CRMP1: variants seen among roughly 807,000 people sequenced by gnomAD.
CRMP1 encodes dihydropyrimidinase-related protein 1.
CRMP1 carries 19 observed loss-of-function variants against 68.3 expected under a neutral mutation model. The observed-to-expected ratio is 0.28, with a 90% CI of 0.19 to 0.41. CRMP1 has a LOEUF of 0.41. Among genes scored for constraint, CRMP1 ranks in the 10% least tolerant of loss-of-function variants. The pLI is 1.00. For missense variants in CRMP1, 791 were observed against 967.4 expected (o/e 0.82, Z 2.42); for synonymous variants, 439 against 399.6 (o/e 1.10, Z -1.18).
At chr4:5,875,430 AT>A (rs1245804623) in intron 1 of CRMP1, among the ~76,000 whole-genome samples, 1 of 151,024 alleles carries the variant, frequency 6.6e-6, no homozygotes, top group Admixed American at 6.6e-5. Flanking sequence ...ATGGGATGCT[AT>A]TCTTATCCAA....
chr4:5,836,133 G>A (rs775010187), intron 10 of CRMP1, 48 bp from the exon 11 acceptor site: 61 of 1,386,164 alleles, frequency 4.4e-5, no homozygotes, highest in Non-Finnish European at 5.2e-5. Context: ...AATGGGGCCA[G>A]GAGGAGGGGC....
rs1181562672 is a variant in CRMP1 at position 5,872,516 on chromosome 4, G to A, written c.382-5760C>T. Among the ~76,000 whole-genome samples, 13 of 152,034 alleles carry A rather than the reference G, an allele frequency of 8.6e-5. No homozygotes were observed. Among genetic ancestry groups the A allele is most frequent in the African/African-American group, 2.7e-4 (11 of 41,398 alleles). ...AGCCTGGCCAACATGGTGAAACCCCGTCTCTACTAAAAATGCAAAAATTAG... is the reference window on the plus strand; with the variant it reads ...AGCCTGGCCAACATGGTGAAACCCCATCTCTACTAAAAATGCAAAAATTAG... On this transcript the variant is annotated intron_variant, in intron 1 of 13. Transcript: ENST00000324989. The surrounding 1 kb of genome is among the most constrained non-coding windows in gnomAD (Gnocchi z 4.6).
intron 12 of CRMP1, among the ~76,000 whole-genome samples, chr4:5,827,642 A>C (rs1490361607): frequency 6.6e-6 from 1 of 151,904 alleles, no homozygotes; most frequent in African/African-American, 2.4e-5. Context: ...ACTCCAACAC[A>C]CGCACACACA....
In CRMP1 at chr4:5,823,087, G is replaced by A. The variant is rs1250523597; in HGVS notation, c.1970-1236C>T. 2.6e-5 allele frequency among the ~76,000 whole-genome samples: 4 copies of A among 152,156 alleles called. No individual in the cohort carries two copies. The East Asian group carries it at 7.7e-4, about 29-fold the overall frequency. On this transcript the variant is annotated intron_variant, in intron 13 of 13. Transcript: ENST00000324989. ...CACTGGCCCCAGGTAGTTGTCACCT[G>A]CAACAGGAAGGAGACTCAAGTTTCA... is the stretch of plus-strand genomic sequence containing the variant.
chr4:5,878,804 T>A (rs1389091081), intron 1 of CRMP1, among the ~76,000 whole-genome samples: 1 of 141,022 alleles, frequency 7.1e-6, no homozygotes, highest in Admixed American at 6.9e-5. Context: ...CAGTGCCTTA[T>A]TTTTTTTTTT....
chr4:5,887,223 G>A (rs1046341124), intron 1 of CRMP1, among the ~76,000 whole-genome samples: 1 of 152,216 alleles, frequency 6.6e-6, no homozygotes, highest in East Asian at 1.9e-4. Context: ...CAATACCTCC[G>A]CCTACCTAAG....
In CRMP1 at chr4:5,858,987, A is replaced by T. The variant is rs1713345909; in HGVS notation, c.655+2039T>A. ...ACTCATCCTTCAGATCCCTGTACGA[A>T]TGTCACTTCTTCAGAGAACACTTCC... On this transcript the variant is annotated intron_variant, in intron 3 of 13. Transcript: ENST00000324989. This position sits in a 1 kb window ranked among gnomAD's most constrained non-coding sequence, Gnocchi z 5.5. Among the ~76,000 whole-genome samples the T allele has an allele frequency of 6.6e-6, 1 of 152,124 alleles. No homozygotes were observed. The highest frequency in any genetic ancestry group is 2.1e-4 in the South Asian group (1 of 4,822).
At position 5,888,714 on chromosome 4, in the gene CRMP1, G is replaced by C; in HGVS notation, c.381+3875C>G. ...CCTGGCCTCGCTCTCGCGATCCAGA[G>C]AGTATGGTTTTCAGGGCTCCTTTAA... On this transcript the variant is annotated intron_variant, in intron 1 of 13. Transcript: ENST00000324989. The surrounding 1 kb of genome is among the most constrained non-coding windows in gnomAD (Gnocchi z 6.4). 1 of 791,302 alleles carries C rather than the reference G, an allele frequency of 1.3e-6. No individual in the cohort carries two copies. Among genetic ancestry groups the C allele is most frequent in the Non-Finnish European group, 1.5e-6 (1 of 653,496 alleles). The allele number at this position is 791,302 out of a possible 1,614,324, so 49.0% of individuals were successfully genotyped here. A position where few individuals can be genotyped will look rare whatever the true frequency, so the allele number is the denominator to read the frequency against.
Position 5,870,947 on chromosome 4 carries a change from C to T in CRMP1, c.382-4191G>A, listed in dbSNP as rs116596271. On this transcript the variant is annotated intron_variant, in intron 1 of 13. Transcript: ENST00000324989. This position sits in a 1 kb window ranked among gnomAD's most constrained non-coding sequence, Gnocchi z 6.0. ...CATGGCTTCCGGAACACGGCCGCCC[C>T]GCAGGCACCCGTCTGTCTTGTCACT... Among the ~76,000 whole-genome samples, 315 of 152,294 alleles carry T rather than the reference C, an allele frequency of 2.1e-3. 1 individual carries two copies. The highest frequency in any genetic ancestry group is 7.0e-3 in the African/African-American group (293 of 41,572).
chr4:5,864,452 A>T (rs28729383), intron 2 of CRMP1, among the ~76,000 whole-genome samples: 21,503 of 152,174 alleles, frequency 0.14, 2,061 homozygotes, highest in African/African-American at 0.27. Context: ...CTTCCTGACC[A>T]TTCGGGATCC....
At chr4:5,839,735 T>A (rs1190163989) in intron 8 of CRMP1, 57 bp from the exon 9 acceptor site, 1 of 1,527,644 alleles carries the variant, frequency 6.5e-7, no homozygotes, top group Admixed American at 2.0e-5. Context: ...GAGGCAGATG[T>A]CAAAGGCACA....
Position 5,842,459 on chromosome 4 carries a change from AAG to A in CRMP1, c.1032+632_1032+633del, listed in dbSNP as rs1711820425. 6.6e-6 allele frequency among the ~76,000 whole-genome samples: 1 copy of A among 151,394 alleles called. No individual in the cohort carries two copies. Among genetic ancestry groups the A allele is most frequent in the Non-Finnish European group, 1.5e-5 (1 of 67,866 alleles). On this transcript the variant is annotated intron_variant, in intron 7 of 13. Transcript: ENST00000324989. The surrounding 1 kb of genome is among the most constrained non-coding windows in gnomAD (Gnocchi z 4.5). ...AAAAAAAAAAAAAAGAAAAGAAAGA[AAG>A]AAAGTAAAAAGAAGGTGTCCTCAAC...
intron 2 of CRMP1, among the ~76,000 whole-genome samples, chr4:5,862,166 C>A (rs978189247): frequency 8.5e-5 from 13 of 152,190 alleles, no homozygotes; most frequent in South Asian, 6.2e-4. Context: ...GAAAATGTTA[C>A]CACACATGTC....
chr4:5,889,750 C>G lies in CRMP1; in HGVS notation c.381+2839G>C, dbSNP rs1329108915. On this transcript the variant is annotated intron_variant, in intron 1 of 13. Coordinates refer to ENST00000324989, the MANE Select transcript of CRMP1 (RefSeq NM_001014809.3). This position sits in a 1 kb window ranked among gnomAD's most constrained non-coding sequence, Gnocchi z 4.5. ...CGAGGGTGGCCTAGGCTTGGTACAG[C>G]TCCCCCAGCACTGTGGTTGGGGGCT... The G allele has an allele frequency of 6.5e-7, 1 of 1,535,080 alleles. No homozygotes were observed. Among genetic ancestry groups the G allele is most frequent in the Non-Finnish European group, 8.7e-7 (1 of 1,146,216 alleles).
chr4:5,844,113 CT>C (rs1418545042), intron 6 of CRMP1, among the ~76,000 whole-genome samples: 1 of 152,142 alleles, frequency 6.6e-6, no homozygotes, highest in Non-Finnish European at 1.5e-5. Context: ...ACAATCTCAA[CT>C]GCGCGTCTAT....
At position 5,879,581 on chromosome 4, in the gene CRMP1, AC is replaced by A. The variant is rs1204423797; in HGVS notation, c.382-12826del. Among the ~76,000 whole-genome samples the A allele has an allele frequency of 3.9e-5, 6 of 152,194 alleles. No homozygotes were observed. Among genetic ancestry groups the A allele is most frequent in the Non-Finnish European group, 5.9e-5 (4 of 68,036 alleles). On this transcript the variant is annotated intron_variant, in intron 1 of 13. Transcript: ENST00000324989. The surrounding 1 kb of genome is among the most constrained non-coding windows in gnomAD (Gnocchi z 4.2). The stretch of plus-strand genomic sequence containing the variant: ...ATCTATAAATGGAACCCATCAAAAT[AC>A]CTACCTCACAAGATTACTTGAAATA...
rs1196408838 is a variant in CRMP1, at chr4:5,881,017, T to C, written c.381+11572A>G. 6.6e-6 allele frequency among the ~76,000 whole-genome samples: 1 copy of C among 152,080 alleles called. No homozygotes were observed. Among genetic ancestry groups the C allele is most frequent in the Non-Finnish European group, 1.5e-5 (1 of 68,030 alleles). Reference sequence around the variant, plus strand: ...GAGCAACAAGCCAAAGTTACTGAAATTGAAGTGCTCACCACCCCCAGCCCA... The same window carrying C: ...GAGCAACAAGCCAAAGTTACTGAAACTGAAGTGCTCACCACCCCCAGCCCA... On this transcript the variant is annotated intron_variant, in intron 1 of 13. Transcript: ENST00000324989. This position sits in a 1 kb window ranked among gnomAD's most constrained non-coding sequence, Gnocchi z 4.6.
In CRMP1 at chr4:5,889,726, G is replaced by A. The variant is rs745907003; in HGVS notation, c.381+2863C>T. The A allele has an allele frequency of 2.0e-6, 3 of 1,535,808 alleles. No homozygotes were observed. Among genetic ancestry groups the A allele is most frequent in the South Asian group, 1.2e-5 (1 of 84,056 alleles). ...CTGCTTTCAAGTTGCCATCCAGAGC[G>A]AGGGTGGCCTAGGCTTGGTACAGCT... On this transcript the variant is annotated intron_variant, in intron 1 of 13. Transcript: ENST00000324989. The surrounding 1 kb of genome is among the most constrained non-coding windows in gnomAD (Gnocchi z 4.5).
At chr4:5,867,361 C>A (rs1220841910) in intron 1 of CRMP1, among the ~76,000 whole-genome samples, 1 of 152,146 alleles carries the variant, frequency 6.6e-6, no homozygotes, top group East Asian at 1.9e-4. Context: ...TTTTCAATGT[C>A]ATTCGTTTGT....
Sources: gnomAD v4.1 joint callset for allele counts (sites outside exome capture counted in the v4.1 genomes callset) on GRCh38, gnomAD v4.1.1 for gene constraint, Gnocchi (gnomAD v3.1) non-coding constraint, MANE v1.5 for transcripts, NCBI Gene and HGNC (gene_info 2026-07-23, HGNC 2026-07-21) for gene names.